EPHB1: variants seen among roughly 807,000 people sequenced by gnomAD.
EPHB1 encodes the protein EPH receptor B1.
Under a neutral mutation model 94.4 loss-of-function variants are expected in EPHB1, and 30 were observed. The ratio of observed to expected loss-of-function variants is 0.32; its 90% confidence interval spans 0.24 to 0.43. EPHB1 has a LOEUF of 0.43. EPHB1 is among the 20% of genes least tolerant of loss of function. The pLI is 1.00. For synonymous variants in EPHB1, 522 were observed against 489.1 expected (o/e 1.07, Z -0.89); for missense variants, 1,055 against 1,308.3 (o/e 0.81, Z 2.99).
At chr3:135,131,246 C>A (rs1940405018) in intron 4 of EPHB1, among the ~76,000 whole-genome samples, 1 of 152,170 alleles carries the variant, frequency 6.6e-6, no homozygotes, top group Non-Finnish European at 1.5e-5. Context: ...TGGTACAGTA[C>A]TGATTTTCTT....
At chr3:135,133,322 C>A (rs1157022970) in intron 5 of EPHB1, among the ~76,000 whole-genome samples, 1 of 152,246 alleles carries the variant, frequency 6.6e-6, no homozygotes, top group Non-Finnish European at 1.5e-5. Context: ...TAGTGCTCTT[C>A]ATCCAGCCTG....
chr3:134,972,419 A>T (rs530498908), intron 3 of EPHB1, among the ~76,000 whole-genome samples: 1 of 145,946 alleles, frequency 6.9e-6, no homozygotes, highest in Non-Finnish European at 1.5e-5. Flanking sequence ...CTTTTATATA[A>T]CATATAAAAG....
chr3:134,850,229 G>A (rs2036953321), intron 1 of EPHB1, among the ~76,000 whole-genome samples: 1 of 152,022 alleles, frequency 6.6e-6, no homozygotes, highest in African/African-American at 2.4e-5. Context: ...TCATAAAATT[G>A]CCAAGGAACA....
At chr3:135,186,080 C>T (rs949886806) in intron 10 of EPHB1, among the ~76,000 whole-genome samples, 3 of 152,134 alleles carry the variant, frequency 2.0e-5, no homozygotes, top group Middle Eastern at 3.2e-3. Flanking sequence ...TGAAAATAAG[C>T]TAATTACATA....
At chr3:134,888,829 G>A (rs1236107430) in intron 1 of EPHB1, among the ~76,000 whole-genome samples, 3 of 152,156 alleles carry the variant, frequency 2.0e-5, no homozygotes, top group African/African-American at 7.2e-5. Flanking sequence ...GCTGGGCACT[G>A]TTCTGGGAAT....
chr3:134,974,387 C>T lies in EPHB1; in HGVS notation c.805+22335C>T, dbSNP rs953779326. 1.1e-4 allele frequency among the ~76,000 whole-genome samples: 17 copies of T among 152,254 alleles called. No homozygotes were observed. The South Asian group carries it at 2.1e-3, about 19-fold the overall frequency. On this transcript the variant is annotated intron_variant, in intron 3 of 15. Coordinates refer to ENST00000398015, the MANE Select transcript of EPHB1 (RefSeq NM_004441.5). ...GGGTAAGTTACTTTACCTTTCTGTG[C>T]GTTGCTTTCCTCGTTGTAAAATGGG... is the stretch of plus-strand genomic sequence containing the variant.
intron 1 of EPHB1, among the ~76,000 whole-genome samples, chr3:134,873,325 A>G (rs529110697): frequency 1.3e-5 from 2 of 152,234 alleles, no homozygotes; most frequent in East Asian, 3.9e-4. Flanking sequence ...TGTAATTTAG[A>G]CTGGGCTTAG....
chr3:135,083,778 C>G (rs1938243401), intron 3 of EPHB1, among the ~76,000 whole-genome samples: 1 of 152,092 alleles, frequency 6.6e-6, no homozygotes, highest in South Asian at 2.1e-4. Context: ...TTAATTGAGG[C>G]CTGCATATTA....
intron 5 of EPHB1, among the ~76,000 whole-genome samples, chr3:135,139,235 C>G (rs1050185494): frequency 1.1e-4 from 16 of 152,196 alleles, no homozygotes; most frequent in African/African-American, 3.9e-4. Context: ...AATCTGGAGT[C>G]TTCCTCCACT....
chr3:134,852,139 G>A (rs987539578), intron 1 of EPHB1, among the ~76,000 whole-genome samples: 2 of 152,182 alleles, frequency 1.3e-5, no homozygotes, highest in Non-Finnish European at 2.9e-5. Flanking sequence ...CAACAGGAGA[G>A]TCCATGGCCA....
rs561813411 is a variant in EPHB1, at chr3:134,889,118, A to G, written c.59-36698A>G. On this transcript the variant is annotated intron_variant, in intron 1 of 15. Coordinates refer to ENST00000398015, the MANE Select transcript of EPHB1 (RefSeq NM_004441.5). ...GTTTGAGGGTGAGCAGATATGATTC[A>G]CATGTTTAAAAGGTCCTTCTAAGCT... is the stretch of plus-strand genomic sequence containing the variant. Among the ~76,000 whole-genome samples, 70 of 152,314 alleles carry G rather than the reference A, an allele frequency of 4.6e-4. No homozygotes were observed. The South Asian group carries it at 6.4e-3, about 14-fold the overall frequency.
intron 1 of EPHB1, among the ~76,000 whole-genome samples, chr3:134,820,862 C>A (rs2036366725): frequency 2.0e-5 from 3 of 152,114 alleles, no homozygotes; most frequent in African/African-American, 4.8e-5. Context: ...CAGAGTTTTC[C>A]AGAGAAACAG....
intron 1 of EPHB1, among the ~76,000 whole-genome samples, chr3:134,906,420 G>C (rs985554149): frequency 6.6e-6 from 1 of 152,174 alleles, no homozygotes; most frequent in Middle Eastern, 3.2e-3. Context: ...GACGTTTATA[G>C]GTATGCTGAT....
At chr3:135,176,941 C>A (rs1254051840) in intron 9 of EPHB1, among the ~76,000 whole-genome samples, 1 of 152,102 alleles carries the variant, frequency 6.6e-6, no homozygotes, top group Non-Finnish European at 1.5e-5. Context: ...ACTAATATAA[C>A]CCTAAGCGGC....
At chr3:134,890,814 T>A (rs2037964706) in intron 1 of EPHB1, among the ~76,000 whole-genome samples, 1 of 152,222 alleles carries the variant, frequency 6.6e-6, no homozygotes, top group Non-Finnish European at 1.5e-5. Context: ...TTCAAGTATT[T>A]TGTCTCTTTT....
chr3:134,964,596 G>A (rs901593004), intron 3 of EPHB1, among the ~76,000 whole-genome samples: 5 of 152,194 alleles, frequency 3.3e-5, no homozygotes, highest in Admixed American at 2.0e-4. Flanking sequence ...GGAATTAGGC[G>A]ATTTCAGGGC....
chr3:135,257,518 T>G (rs1262252149), intron 15 of EPHB1, among the ~76,000 whole-genome samples: 2 of 152,050 alleles, frequency 1.3e-5, no homozygotes, highest in Admixed American at 6.6e-5. Flanking sequence ...TGCCTCCCAG[T>G]TAGGTTGCTG....
intron 1 of EPHB1, among the ~76,000 whole-genome samples, chr3:134,815,280 A>G (rs1486126473): frequency 1.3e-5 from 2 of 152,228 alleles, no homozygotes; most frequent in Admixed American, 1.3e-4. Context: ...TCTTGTTCTT[A>G]GGAAACAAAT....
Position 135,099,722 on chromosome 3 carries a change from G to C in EPHB1, c.806-6726G>C, listed in dbSNP as rs144053486. On this transcript the variant is annotated intron_variant, in intron 3 of 15. Transcript: ENST00000398015. Reference sequence around the variant, plus strand: ...TGTGGGGCCACAGGACCTATGGAAGGAGCTATGCAGAGCTGTTTGCATGAC... The same window carrying C: ...TGTGGGGCCACAGGACCTATGGAAGCAGCTATGCAGAGCTGTTTGCATGAC... Among the ~76,000 whole-genome samples the C allele has an allele frequency of 6.7e-3, 1,028 of 152,316 alleles. 18 individuals are homozygous for C. The highest frequency in any genetic ancestry group is 0.023 in the African/African-American group (970 of 41,576).
Sources: gnomAD v4.1 joint callset for allele counts (sites outside exome capture counted in the v4.1 genomes callset) on GRCh38, gnomAD v4.1.1 for gene constraint, MANE v1.5 for transcripts, NCBI Gene and HGNC (gene_info 2026-07-23, HGNC 2026-07-21) for gene names.